NLRC4: variants seen among roughly 807,000 people sequenced by gnomAD.
The protein encoded by NLRC4 is NLR family CARD domain containing 4.
NLRC4 carries 63 observed loss-of-function variants against 79.9 expected under a neutral mutation model. The ratio of observed to expected loss-of-function variants is 0.79; its 90% CI spans 0.64 to 0.97. The LOEUF (loss-of-function observed/expected upper bound fraction) is 0.97. NLRC4 is among the 50% of genes least tolerant of loss of function. The pLI, the probability that NLRC4 is intolerant of heterozygous loss-of-function variation, is 0.00. For missense variants in NLRC4, 1,074 were observed against 1,215.2 expected (o/e 0.88, Z 1.73); for synonymous variants, 461 against 456.5 (o/e 1.01, Z -0.12).
In NLRC4 at chr2:32,238,156, AC is replaced by A; in HGVS notation, c.2496del (p.Leu832PhefsTer6). 1 of 1,613,570 alleles carries A rather than the reference AC, an allele frequency of 6.2e-7. No individual in the cohort carries two copies. The highest frequency in any genetic ancestry group is 8.5e-7 in the Non-Finnish European group (1 of 1,179,858). The part of the protein sequence containing the change: ...LEEIQLVSCC[L>X]SANAVKILAQ... ...CCTAGGATTTTCACTGCATTTGCAGACAAGCAGCAGGAGACTAATTGAATTT... is the reference window on the plus strand; with the variant it reads ...CCTAGGATTTTCACTGCATTTGCAGAAAGCAGCAGGAGACTAATTGAATTT... On this transcript the variant is annotated frameshift_variant, in exon 6 of 9. Coordinates refer to ENST00000402280, the MANE Select transcript of NLRC4 (RefSeq NM_001199138.2). LOFTEE classifies it high-confidence loss of function.
intron 1 of NLRC4, among the ~76,000 whole-genome samples, chr2:32,262,766 ACT>A (rs985427601): frequency 2.7e-5 from 4 of 149,336 alleles, no homozygotes; most frequent in Non-Finnish European, 4.4e-5. Context: ...ACAGAGAGAG[ACT>A]CTGTCTCAGA....
rs192454305 is a variant in NLRC4, at chr2:32,252,784, C to T, written c.2-105G>A. The T allele has an allele frequency of 1.4e-3, 1,247 of 883,370 alleles. 9 individuals are homozygous for T. The African/African-American group carries it at 0.017, about 12-fold the overall frequency. The allele number at this position is 883,370 out of a possible 1,614,324, so 54.7% of individuals were successfully genotyped here. A position where few individuals can be genotyped will look rare whatever the true frequency, so the allele number is the denominator to read the frequency against. ...CTGTAATCCCAGCACTTTGGGAGGC[C>T]GAGGCGGGCAGATCACGAGGTCAGG... On this transcript the variant is annotated intron_variant, in intron 2 of 8. Coordinates refer to ENST00000402280, the MANE Select transcript of NLRC4 (RefSeq NM_001199138.2).
chr2:32,257,397 A>T (rs762642388), intron 1 of NLRC4, among the ~76,000 whole-genome samples: 7 of 151,892 alleles, frequency 4.6e-5, no homozygotes, highest in Non-Finnish European at 7.4e-5. Context: ...CACGTGAGGT[A>T]AGGAGTTCGA....
chr2:32,252,510 C>A lies in NLRC4; in HGVS notation c.171G>T (p.Met57Ile), dbSNP rs868821926. The A allele has an allele frequency of 6.2e-7, 1 of 1,613,794 alleles. No individual in the cohort carries two copies. The highest frequency in any genetic ancestry group is 8.5e-7 in the Non-Finnish European group (1 of 1,179,800). The change falls in exon 3 of 9, where the codon ATG becomes ATT. Residue 57 changes from methionine (M) to isoleucine (I), a missense_variant. Physicochemically the swap from Met to Ile is conservative, Grantham distance 10. Transcript: ENST00000402280. ...AGGACTCTGAACCCTTTTTCAAAAT[C>A]ATGTGAATGATCCCTCTAGCAGCAT... ...EQDAARGIIH[M>I]ILKKGSESCN...
chr2:32,258,030 G>A (rs1320828540), intron 1 of NLRC4, among the ~76,000 whole-genome samples: 1 of 152,114 alleles, frequency 6.6e-6, no homozygotes, highest in Non-Finnish European at 1.5e-5. Context: ...TTGGTGTACC[G>A]GAGGAATTGG....
intron 6 of NLRC4, 119 bp from the exon 7 acceptor site, chr2:32,236,458 A>G: frequency 1.6e-6 from 1 of 640,328 alleles, no homozygotes; most frequent in Non-Finnish European, 2.7e-6. Flanking sequence ...GCAAACCATA[A>G]CTTGCCTTGG....
At chr2:32,226,062 G>A (rs1025538249) in intron 8 of NLRC4, among the ~76,000 whole-genome samples, 3 of 152,164 alleles carry the variant, frequency 2.0e-5, no homozygotes, top group African/African-American at 7.2e-5. Context: ...AAGAAGGAAA[G>A]ATTCGGTGCT....
intron 8 of NLRC4, among the ~76,000 whole-genome samples, chr2:32,233,349 A>ATATATATATATT (rs1418146489): frequency 2.2e-4 from 9 of 41,078 alleles, no homozygotes; most frequent in African/African-American, 2.9e-4. Context: ...ATATATATAT[A>ATATATATATATT]TTTTTTTTTT....
At chr2:32,241,247 G>C (rs1686792392) in intron 4 of NLRC4, 122 bp from the exon 5 acceptor site, 1 of 655,488 alleles carries the variant, frequency 1.5e-6, no homozygotes, top group Admixed American at 3.0e-5. Context: ...AGCCAAAAAT[G>C]CTCATGAAAT....
In NLRC4 at chr2:32,249,794, G is replaced by A; in HGVS notation, c.2070C>T (p.Leu690=). 1 of 1,614,216 alleles carries A rather than the reference G, an allele frequency of 6.2e-7. No individual in the cohort carries two copies. Among genetic ancestry groups the A allele is most frequent in the Non-Finnish European group, 8.5e-7 (1 of 1,180,046 alleles). The part of the protein sequence containing the change: ...LGKIFSSATS[L]RLQIKRCAGV... Reference sequence around the variant, plus strand: ...CAGCACATCTCTTTATTTGCAGCCTGAGGCTTGTGGCAGAGCTGAATATTT... The same window carrying A: ...CAGCACATCTCTTTATTTGCAGCCTAAGGCTTGTGGCAGAGCTGAATATTT... Residue 690 remains leucine, a synonymous_variant, in exon 4 of 9, where the codon CTC becomes CTT. Coordinates refer to ENST00000402280, the MANE Select transcript of NLRC4 (RefSeq NM_001199138.2).
At chr2:32,235,345 TAAG>T in intron 8 of NLRC4, 53 bp downstream of exon 8, 1 of 1,356,192 alleles carries the variant, frequency 7.4e-7, no homozygotes, top group Non-Finnish European at 1.0e-6. Context: ...AAAGCCAACT[TAAG>T]AATTTTTTAA....
intron 2 of NLRC4, among the ~76,000 whole-genome samples, chr2:32,253,984 A>AG (rs36108344): frequency 6.6e-6 from 1 of 151,004 alleles, no homozygotes; most frequent in African/African-American, 2.4e-5. Flanking sequence ...AAAAAAAAAA[A>AG]GTACGTGCTG....
intron 4 of NLRC4, among the ~76,000 whole-genome samples, chr2:32,243,692 G>A (rs1465866330): frequency 6.8e-6 from 1 of 146,908 alleles, no homozygotes; most frequent in African/African-American, 2.5e-5. Context: ...CAGCTACTTG[G>A]GAGGCTGAGG....
At chr2:32,235,247 T>G (rs917651253) in intron 8 of NLRC4, among the ~76,000 whole-genome samples, 154 bp downstream of exon 8, 2 of 152,206 alleles carry the variant, frequency 1.3e-5, no homozygotes, top group Non-Finnish European at 1.5e-5. Flanking sequence ...GTTTTAAGTC[T>G]TCTTACTCTA....
chr2:32,254,782 C>G (rs182397323), intron 2 of NLRC4, among the ~76,000 whole-genome samples: 19 of 151,890 alleles, frequency 1.3e-4, no homozygotes, highest in Admixed American at 5.2e-4. Flanking sequence ...CCACACCCAG[C>G]TAATTTTGTA....
Position 32,250,227 on chromosome 2 carries a change from A to C in NLRC4, c.1637T>G (p.Leu546Arg). 2 of 1,614,218 alleles carry C rather than the reference A, an allele frequency of 1.2e-6. No individual in the cohort carries two copies. Among genetic ancestry groups the C allele is most frequent in the Non-Finnish European group, 1.7e-6 (2 of 1,180,048 alleles). Residue 546 changes from leucine (L) to arginine (R), a missense_variant, in exon 4 of 9, where the codon CTG (leucine) becomes CGG (arginine). Coordinates refer to ENST00000402280, the MANE Select transcript of NLRC4 (RefSeq NM_001199138.2). This position sits in a 1 kb window ranked among gnomAD's most constrained non-coding sequence, Gnocchi z 4.9. Reference protein sequence around the residue: ...SVKNTTEQEILKAININSFVE... With the variant: ...SVKNTTEQEIRKAININSFVE... Reference sequence around the variant, plus strand: ...AAAGGAATTGATGTTTATGGCTTTCAGAATTTCTTGCTCAGTGGTGTTTTT... The same window carrying C: ...AAAGGAATTGATGTTTATGGCTTTCCGAATTTCTTGCTCAGTGGTGTTTTT...
intron 8 of NLRC4, among the ~76,000 whole-genome samples, chr2:32,230,960 A>G (rs1324950771): frequency 3.3e-5 from 5 of 152,110 alleles, no homozygotes; most frequent in African/African-American, 1.2e-4. Flanking sequence ...AATAATAACC[A>G]TCCCTAGTGG....
At chr2:32,255,371 T>C (rs1002546611) in intron 2 of NLRC4, among the ~76,000 whole-genome samples, 15 of 151,900 alleles carry the variant, frequency 9.9e-5, no homozygotes, top group African/African-American at 3.4e-4. Context: ...AAATACAAAA[T>C]TAGCCAGTCG....
intron 5 of NLRC4, 32 bp downstream of exon 5, chr2:32,241,001 C>G (rs764123370): frequency 3.8e-6 from 5 of 1,320,712 alleles, no homozygotes; most frequent in Non-Finnish European, 5.5e-6. Flanking sequence ...ATCAAACTTA[C>G]ATTGATACAA....
Sources: allele counts gnomAD v4.1 joint callset (sites outside exome capture counted in the v4.1 genomes callset), GRCh38; gene constraint gnomAD v4.1.1; non-coding constraint Gnocchi (gnomAD v3.1); transcripts MANE v1.5; gene names NCBI Gene and HGNC (gene_info 2026-07-23, HGNC 2026-07-21).